PDE2A: variants seen among roughly 807,000 people sequenced by gnomAD.
PDE2A encodes cGMP-dependent 3',5'-cyclic phosphodiesterase.
PDE2A carries 53 observed loss-of-function variants against 133.6 expected under a neutral mutation model. The observed-to-expected ratio is 0.40, with a 90% CI of 0.32 to 0.50. The LOEUF (loss-of-function observed/expected upper bound fraction) is 0.50. Ranked by LOEUF, PDE2A falls within the 20% of genes least tolerant of loss-of-function variation. The pLI is 0.73. For missense variants in PDE2A, 796 were observed against 1,232.4 expected (o/e 0.65, Z 5.30); for synonymous variants, 491 against 490.2 (o/e 1.00, Z -0.02).
rs574256771 is a variant in PDE2A at position 72,604,844 on chromosome 11, A to G, written c.323+294T>C. On this transcript the variant is annotated intron_variant, in intron 4 of 30. Transcript: ENST00000334456. ...CTAACTGATACACCCCATAGCCCCA[A>G]TGTTCTGAGACTCTGCTCTGAGGAG... Among the ~76,000 whole-genome samples the G allele has an allele frequency of 7.0e-4, 106 of 152,272 alleles. 1 individual carries two copies. The highest frequency in any genetic ancestry group is 9.0e-4 in the Non-Finnish European group (61 of 68,014).
intron 6 of PDE2A, among the ~76,000 whole-genome samples, chr11:72,592,820 C>A (rs912463094): frequency 6.6e-6 from 1 of 151,818 alleles, no homozygotes; most frequent in Non-Finnish European, 1.5e-5. Context: ...CCTGGGCTGT[C>A]AAGGATGGTG....
At chr11:72,610,202 G>A (rs527338166) in intron 2 of PDE2A, among the ~76,000 whole-genome samples, 15 of 152,258 alleles carry the variant, frequency 9.9e-5, no homozygotes, top group Non-Finnish European at 2.1e-4. Flanking sequence ...CTCCTAGATG[G>A]GGGATCTGAA....
At chr11:72,610,319 G>C (rs1004895486) in intron 2 of PDE2A, among the ~76,000 whole-genome samples, 4 of 152,142 alleles carry the variant, frequency 2.6e-5, no homozygotes, top group Non-Finnish European at 4.4e-5. Context: ...TGCTACAAAG[G>C]CATGCCACAG....
intron 1 of PDE2A, among the ~76,000 whole-genome samples, chr11:72,657,178 C>T (rs999057009): frequency 6.6e-6 from 1 of 152,168 alleles, no homozygotes; most frequent in Non-Finnish European, 1.5e-5. Context: ...GTGGTCCCCA[C>T]ACACCTTCCC....
chr11:72,586,189 AG>A lies in PDE2A; in HGVS notation c.1071-9del. 1 of 1,491,056 alleles carries A rather than the reference AG, an allele frequency of 6.7e-7. No homozygotes were observed. Among genetic ancestry groups the A allele is most frequent in the Non-Finnish European group, 9.3e-7 (1 of 1,071,976 alleles). The allele number at this position is 1,491,056 out of a possible 1,614,324, so 92.4% of individuals were successfully genotyped here. ...TCGTCCTCGTCGGTGAACCTGGAGG[AG>A]GGGGTGGGCTCACTCAGGAGGGAAG... On this transcript the variant is annotated splice_polypyrimidine_tract_variant and intron_variant, in intron 13 of 30. Transcript: ENST00000334456.
chr11:72,623,997 CT>C (rs71062781), intron 2 of PDE2A, among the ~76,000 whole-genome samples: 1,958 of 141,452 alleles, frequency 0.014, 22 homozygotes, highest in African/African-American at 0.038. Context: ...CAATCTTTTT[CT>C]TTTTTTTTTT....
At chr11:72,636,417 A>G (rs1001614730) in intron 2 of PDE2A, among the ~76,000 whole-genome samples, 1 of 152,200 alleles carries the variant, frequency 6.6e-6, no homozygotes, top group Non-Finnish European at 1.5e-5. Flanking sequence ...TGAATTCTGA[A>G]CACCCTTTGC....
At chr11:72,657,332 G>A (rs147400722) in intron 1 of PDE2A, among the ~76,000 whole-genome samples, 1 of 152,194 alleles carries the variant, frequency 6.6e-6, no homozygotes, top group South Asian at 2.1e-4. Context: ...AGAAGTGGGA[G>A]GAGGGGAAAG....
chr11:72,586,057 G>A lies in PDE2A; in HGVS notation c.1182+13C>T, dbSNP rs774715961. Reference sequence around the variant, plus strand: ...AGTCGGTGCCCGAGAGAGGCTGAAGGCAGGTCACTCACCTGGCACTCACAC... The same window carrying A: ...AGTCGGTGCCCGAGAGAGGCTGAAGACAGGTCACTCACCTGGCACTCACAC... On this transcript the variant is annotated intron_variant, in intron 14 of 30. Coordinates refer to ENST00000334456, the MANE Select transcript of PDE2A (RefSeq NM_002599.5). 3 of 1,495,462 alleles carry A rather than the reference G, an allele frequency of 2.0e-6. No homozygotes were observed. The highest frequency in any genetic ancestry group is 2.3e-5 in the East Asian group (1 of 43,842). The allele number at this position is 1,495,462 out of a possible 1,614,324, so 92.6% of individuals were successfully genotyped here.
chr11:72,605,685 C>T (rs1000429601), intron 3 of PDE2A, among the ~76,000 whole-genome samples: 1 of 152,224 alleles, frequency 6.6e-6, no homozygotes, highest in African/African-American at 2.4e-5. Flanking sequence ...CTACAAGAAA[C>T]CACACACCCA....
At position 72,594,044 on chromosome 11, in the gene PDE2A, C is replaced by G. The variant is rs75463926; in HGVS notation, c.489+2549G>C. 5.1e-3 allele frequency among the ~76,000 whole-genome samples: 782 copies of G among 152,322 alleles called. 4 individuals carry two copies. The highest frequency in any genetic ancestry group is 0.018 in the African/African-American group (746 of 41,560). ...TGGGGTTATGCTCACTTTAGTGCTT[C>G]TCACCACCAACCCTCCAGACCATAT... On this transcript the variant is annotated intron_variant, in intron 6 of 30. Transcript: ENST00000334456.
chr11:72,635,187 C>T (rs932722031), intron 2 of PDE2A, among the ~76,000 whole-genome samples: 1 of 152,194 alleles, frequency 6.6e-6, no homozygotes, highest in Admixed American at 6.5e-5. Context: ...CTCGAATGTA[C>T]ACACACCAGT....
chr11:72,650,047 G>T (rs1854683866), intron 1 of PDE2A, among the ~76,000 whole-genome samples: 1 of 146,462 alleles, frequency 6.8e-6, no homozygotes, highest in South Asian at 2.1e-4. Context: ...TTTAGATGGA[G>T]TCTTGCTCTG....
chr11:72,663,622 G>C (rs1855140701), intron 1 of PDE2A, among the ~76,000 whole-genome samples: 1 of 152,038 alleles, frequency 6.6e-6, no homozygotes, highest in African/African-American at 2.4e-5. Context: ...CCAGCTACTT[G>C]GGAGGCTGAG....
chr11:72,655,925 T>A (rs1408522180), intron 1 of PDE2A, among the ~76,000 whole-genome samples: 1 of 152,166 alleles, frequency 6.6e-6, no homozygotes, highest in Non-Finnish European at 1.5e-5. Flanking sequence ...TGGCTCAGCC[T>A]CAGAGGAAGA....
At chr11:72,638,059 G>C (rs1009477432) in intron 2 of PDE2A, among the ~76,000 whole-genome samples, 2 of 152,074 alleles carry the variant, frequency 1.3e-5, no homozygotes, top group Non-Finnish European at 2.9e-5. Flanking sequence ...TGCCAGGGGG[G>C]TCATTAATAA....
rs780180862 is a variant in PDE2A, at chr11:72,590,003, C to T, written c.757-22G>A. On this transcript the variant is annotated intron_variant, in intron 9 of 30. Transcript: ENST00000334456. The surrounding 1 kb of genome is among the most constrained non-coding windows in gnomAD (Gnocchi z 4.8). Reference sequence around the variant, plus strand: ...GCAGCTGAGAGAGGGACAGGCAGGGCGAGGGGGTGACCGCGGATCCGGGTC... The same window carrying T: ...GCAGCTGAGAGAGGGACAGGCAGGGTGAGGGGGTGACCGCGGATCCGGGTC... The T allele has an allele frequency of 2.5e-6, 4 of 1,599,646 alleles. No homozygotes were observed. In the Admixed American group the frequency reaches 5.1e-5, roughly 20 times the overall value.
chr11:72,634,686 C>A (rs1171931859), intron 2 of PDE2A, among the ~76,000 whole-genome samples: 1 of 152,242 alleles, frequency 6.6e-6, no homozygotes, highest in Non-Finnish European at 1.5e-5. Context: ...AAACACTGGA[C>A]AATTGGGCTG....
At position 72,672,281 on chromosome 11, in the gene PDE2A, T is replaced by C. The variant is rs571718201; in HGVS notation, c.71+1856A>G. Reference sequence around the variant, plus strand: ...ACCTCCACCTCCCAAGTTCAAGCGATTCTCATATTCTCATGCCTCAGCCTT... The same window carrying C: ...ACCTCCACCTCCCAAGTTCAAGCGACTCTCATATTCTCATGCCTCAGCCTT... On this transcript the variant is annotated intron_variant, in intron 1 of 30. Transcript: ENST00000334456. Among the ~76,000 whole-genome samples, 158 of 152,084 alleles carry C rather than the reference T, an allele frequency of 1.0e-3. 1 individual carries two copies. Among genetic ancestry groups the C allele is most frequent in the African/African-American group, 3.8e-3 (156 of 41,516 alleles).
Sources: allele counts gnomAD v4.1 joint callset (sites outside exome capture counted in the v4.1 genomes callset), GRCh38; gene constraint gnomAD v4.1.1; non-coding constraint Gnocchi (gnomAD v3.1); transcripts MANE v1.5; gene names NCBI Gene and HGNC (gene_info 2026-07-23, HGNC 2026-07-21).